THSD7A: variants seen among roughly 807,000 people sequenced by gnomAD.
THSD7A encodes thrombospondin type-1 domain-containing protein 7A.
In THSD7A, 96 loss-of-function variants were observed where a neutral mutation model predicts 231.3. The ratio of observed to expected loss-of-function variants is 0.41; its 90% CI spans 0.35 to 0.49. The LOEUF is 0.49. THSD7A is among the 20% of genes least tolerant of loss of function. THSD7A has a pLI of 0.05. For missense variants in THSD7A, 2,290 were observed against 2,070.2 expected (o/e 1.11, Z -2.06); for synonymous variants, 940 against 743.3 (o/e 1.26, Z -4.30).
intron 7 of THSD7A, among the ~76,000 whole-genome samples, chr7:11,480,055 C>G (rs905609689): frequency 6.6e-6 from 1 of 152,114 alleles, no homozygotes; most frequent in African/African-American, 2.4e-5. Flanking sequence ...TATTACACGT[C>G]AATTAAAACA....
intron 1 of THSD7A, among the ~76,000 whole-genome samples, chr7:11,698,911 C>A (rs1464551478): frequency 6.7e-6 from 1 of 149,934 alleles, no homozygotes; most frequent in African/African-American, 2.4e-5. Context: ...ATTTCTTATT[C>A]TTTATAAAAA....
chr7:11,678,960 G>A (rs573924103), intron 1 of THSD7A, among the ~76,000 whole-genome samples: 12 of 152,082 alleles, frequency 7.9e-5, no homozygotes, highest in Non-Finnish European at 1.5e-4. Flanking sequence ...TAAAATTCTG[G>A]CAAACCAAAT....
chr7:11,496,229 T>A (rs895729302), intron 6 of THSD7A, among the ~76,000 whole-genome samples: 5 of 152,128 alleles, frequency 3.3e-5, no homozygotes, highest in Non-Finnish European at 7.4e-5. Context: ...GTAGACATGA[T>A]TATTATACCC....
At chr7:11,459,762 G>C (rs886750884) in intron 11 of THSD7A, among the ~76,000 whole-genome samples, 20 of 127,674 alleles carry the variant, frequency 1.6e-4, no homozygotes, top group Admixed American at 1.4e-3. Flanking sequence ...AGAAAATGAA[G>C]TCCCAGATCA....
Position 11,497,723 on chromosome 7 carries a change from C to A in THSD7A, c.1823-15741G>T, listed in dbSNP as rs559512726. 1.4e-3 allele frequency among the ~76,000 whole-genome samples: 211 copies of A among 152,172 alleles called. 1 individual carries two copies. Among genetic ancestry groups the A allele is most frequent in the Admixed American group, 3.2e-3 (49 of 15,286 alleles). On this transcript the variant is annotated intron_variant, in intron 6 of 27. Transcript: ENST00000423059. ...GAGCTGTGGCTCTCAGGGAGAGGAA[C>A]AGAAGGGCAAGTAAATATAACACCT...
Position 11,636,258 on chromosome 7 carries a change from C to T in THSD7A, c.894G>A (p.Glu298=). ...TTCTGTTTCTCTTTTTCTTAATAAG[C>T]TCGCGGGCTTCTGGATCCTTTACTC... The part of the protein sequence containing the change: ...SKGVKDPEAR[E]LIKKKRNRNR... Residue 298 remains glutamate, a synonymous_variant, in exon 2 of 28, where the codon GAG becomes GAA. Transcript: ENST00000423059. This position sits in a 1 kb window ranked among gnomAD's most constrained non-coding sequence, Gnocchi z 10.0. 1 of 1,613,976 alleles carries T rather than the reference C, an allele frequency of 6.2e-7. No homozygotes were observed.
intron 1 of THSD7A, among the ~76,000 whole-genome samples, chr7:11,791,019 CAT>C (rs1335963812): frequency 1.3e-5 from 2 of 151,852 alleles, no homozygotes; most frequent in Admixed American, 6.6e-5. Context: ...GAATAAAAAA[CAT>C]AGTGAGAAAG....
chr7:11,434,060 C>A (rs755665086), intron 13 of THSD7A, among the ~76,000 whole-genome samples: 1 of 152,000 alleles, frequency 6.6e-6, no homozygotes, highest in Non-Finnish European at 1.5e-5. Flanking sequence ...CCATTAAAAT[C>A]CTTAATGCTA....
intron 1 of THSD7A, among the ~76,000 whole-genome samples, chr7:11,677,316 C>T (rs1410461529): frequency 6.6e-6 from 1 of 151,864 alleles, no homozygotes; most frequent in Non-Finnish European, 1.5e-5. Flanking sequence ...CAAAAACATA[C>T]AAAAATGTAA....
At chr7:11,714,674 G>A (rs958999563) in intron 1 of THSD7A, among the ~76,000 whole-genome samples, 4 of 151,258 alleles carry the variant, frequency 2.6e-5, no homozygotes, top group Admixed American at 2.0e-4. Flanking sequence ...AAGAAAAAAA[G>A]CAGTTTTCCA....
chr7:11,546,202 G>GCGCACGCGCACACACACACACA (rs761841418), intron 4 of THSD7A, among the ~76,000 whole-genome samples: 27 of 129,372 alleles, frequency 2.1e-4, no homozygotes, highest in Non-Finnish European at 4.2e-4. Flanking sequence ...GTGGGCGCGC[G>GCGCACGCGCACACACACACACA]CTCACACACA....
chr7:11,654,325 T>C (rs1290820202), intron 1 of THSD7A, among the ~76,000 whole-genome samples: 1 of 151,964 alleles, frequency 6.6e-6, no homozygotes, highest in Non-Finnish European at 1.5e-5. Flanking sequence ...GTATTTCTAA[T>C]TCTGATGAAA....
intron 2 of THSD7A, among the ~76,000 whole-genome samples, chr7:11,628,366 T>C (rs1781540305): frequency 6.6e-6 from 1 of 152,186 alleles, no homozygotes; most frequent in Non-Finnish European, 1.5e-5. Flanking sequence ...CACGGAACAA[T>C]TACTGCTGCA....
intron 23 of THSD7A, among the ~76,000 whole-genome samples, chr7:11,385,931 G>A (rs374398448): frequency 1.4e-4 from 21 of 151,736 alleles, no homozygotes; most frequent in African/African-American, 4.6e-4. Flanking sequence ...ATATGTTCTC[G>A]TTGTTCAACT....
chr7:11,603,299 A>G (rs1336555452), intron 2 of THSD7A, among the ~76,000 whole-genome samples: 2 of 150,620 alleles, frequency 1.3e-5, no homozygotes, highest in Non-Finnish European at 3.0e-5. Flanking sequence ...ACTGGCCATC[A>G]GAGAAATGCA....
At position 11,831,267 on chromosome 7, in the gene THSD7A, TA is replaced by T. The variant is rs1234451137; in HGVS notation, c.190+489del. Among the ~76,000 whole-genome samples, 1 of 152,234 alleles carries T rather than the reference TA, an allele frequency of 6.6e-6. No homozygotes were observed. The highest frequency in any genetic ancestry group is 1.5e-5 in the Non-Finnish European group (1 of 68,036). The stretch of plus-strand genomic sequence containing the variant: ...GGCTCACTGGAGCCCCATTTGCCTT[TA>T]ATTGTTGGAACCGCCCTCACTTGGC... On this transcript the variant is annotated intron_variant, in intron 1 of 27. Transcript: ENST00000423059. The surrounding 1 kb of genome is among the most constrained non-coding windows in gnomAD (Gnocchi z 5.0).
At chr7:11,443,280 C>G (rs1047360852) in intron 13 of THSD7A, among the ~76,000 whole-genome samples, 5 of 152,018 alleles carry the variant, frequency 3.3e-5, no homozygotes, top group Admixed American at 3.3e-4. Flanking sequence ...ATAAACACAT[C>G]TTTTAAGTGA....
Position 11,612,374 on chromosome 7 carries a change from A to G in THSD7A, c.1023-18872T>C, listed in dbSNP as rs930151409. Among the ~76,000 whole-genome samples the G allele has an allele frequency of 3.3e-5, 5 of 152,296 alleles. 1 individual carries two copies. The highest frequency in any genetic ancestry group is 2.9e-5 in the Non-Finnish European group (2 of 68,028). On this transcript the variant is annotated intron_variant, in intron 2 of 27. Coordinates refer to ENST00000423059, the MANE Select transcript of THSD7A (RefSeq NM_015204.3). ...AAAGTCTCCTCATTAGGTACAAATA[A>G]AGAATGCAGAAACAGTTCTCGTCAA...
chr7:11,804,917 C>T (rs1002489752), intron 1 of THSD7A, among the ~76,000 whole-genome samples: 19 of 152,184 alleles, frequency 1.2e-4, no homozygotes, highest in Admixed American at 6.5e-5. Flanking sequence ...AAAGCATCAG[C>T]ATTCATCCTG....
Sources: gnomAD v4.1 joint callset for allele counts (sites outside exome capture counted in the v4.1 genomes callset) on GRCh38, gnomAD v4.1.1 for gene constraint, Gnocchi (gnomAD v3.1) non-coding constraint, MANE v1.5 for transcripts, NCBI Gene and HGNC (gene_info 2026-07-23, HGNC 2026-07-21) for gene names.